COL3A1: variants seen among roughly 807,000 people sequenced by gnomAD.
The protein encoded by COL3A1 is collagen type III alpha 1 chain, also known as collagen alpha-1(III) chain.
A neutral mutation model predicts 200.9 loss-of-function variants in COL3A1; 46 were observed. The ratio of observed to expected loss-of-function variants is 0.23; its 90% CI spans 0.18 to 0.29. The LOEUF is 0.29. Ranked by LOEUF, COL3A1 falls within the 10% of genes least tolerant of loss-of-function variation. The probability of loss-of-function intolerance (pLI) is 1.00; values close to 1 mark genes in which losing one functional copy is unlikely to be tolerated. For missense variants in COL3A1, 1,367 were observed against 1,917.6 expected, an observed-to-expected ratio of 0.71 and a Z score of 5.36; for synonymous variants, 650 against 628.0, an observed-to-expected ratio of 1.03 and a Z score of -0.52.
chr2:189,006,258 A>G lies in COL3A1; in HGVS notation c.3092A>G (p.Lys1031Arg), dbSNP rs749725146. The change falls in exon 42 of 51, where the codon AAG becomes AGG. Residue 1031 changes from lysine to arginine, a missense_variant and splice_region_variant. By Grantham distance (26) the Lys-to-Arg change is conservative. Coordinates refer to ENST00000304636, the MANE Select transcript of COL3A1 (RefSeq NM_000090.4). ...LPGRDGSPGG[K>R]GDRGENGSPG... ...GGCCGAGATGGATCTCCTGGTGGCA[A>G]GGTATAATAAACACATGTGCAATTG... 1.2e-6 allele frequency: 2 copies of G among 1,614,082 alleles called. No individual in the cohort carries two copies. Among genetic ancestry groups the G allele is most frequent in the East Asian group, 2.2e-5 (1 of 44,902 alleles).
In COL3A1 at chr2:188,994,741, A is replaced by G; in HGVS notation, c.1365A>G (p.Pro455=). 1.2e-6 allele frequency: 2 copies of G among 1,613,342 alleles called. No individual in the cohort carries two copies. Among genetic ancestry groups the G allele is most frequent in the Non-Finnish European group, 1.7e-6 (2 of 1,179,892 alleles). ...PRGERGEAGI[P]GVPGAKGEDG... ...TTTTTCAGGGTGAGGCTGGTATTCC[A>G]GGTGTTCCAGGAGCTAAAGGCGAAG... The change falls in exon 20 of 51, where the codon CCA becomes CCG. Residue 455 remains proline, a synonymous_variant. Transcript: ENST00000304636. The surrounding 1 kb of genome is among the most constrained non-coding windows in gnomAD (Gnocchi z 4.5).
chr2:188,985,600 A>G, intron 3 of COL3A1, 65 bp from the exon 4 acceptor site: 1 of 1,023,276 alleles, frequency 9.8e-7, no homozygotes, highest in Middle Eastern at 3.1e-4. Context: ...AGAAACAACA[A>G]TCTGATAATG....
At position 188,993,406 on chromosome 2, in the gene COL3A1, G is replaced by T; in HGVS notation, c.1096G>T (p.Gly366Ter). Residue 366 changes from glycine to a stop codon, truncating the protein, a stop_gained, in exon 16 of 51, where the codon GGA (glycine) becomes TGA (stop). Coordinates refer to ENST00000304636, the MANE Select transcript of COL3A1 (RefSeq NM_000090.4). LOFTEE classifies it high-confidence loss of function. The stretch of plus-strand genomic sequence containing the variant: ...GTCTCCTGGTTCAAATGGTGCCCCT[G>T]GACAAAGAGGAGAACCTGGACCTCA... ...AGSPGSNGAP[G>*]QRGEPGPQGH... The T allele has an allele frequency of 6.4e-7, 1 of 1,567,884 alleles. No individual in the cohort carries two copies. Among genetic ancestry groups the T allele is most frequent in the Non-Finnish European group, 8.7e-7 (1 of 1,155,204 alleles).
chr2:188,993,767 A>G (rs1688237187), intron 16 of COL3A1, among the ~76,000 whole-genome samples: 1 of 152,188 alleles, frequency 6.6e-6, no homozygotes, highest in African/African-American at 2.4e-5. Context: ...CTAATCACCA[A>G]TCATAAAAAT....
At position 188,996,194 on chromosome 2, in the gene COL3A1, A is replaced by C. The variant is rs758686893; in HGVS notation, c.1662+16A>C. 3.7e-6 allele frequency: 6 copies of C among 1,612,000 alleles called. No individual in the cohort carries two copies. The highest frequency in any genetic ancestry group is 1.3e-5 in the African/African-American group (1 of 74,694). On this transcript the variant is annotated intron_variant, in intron 23 of 50. Coordinates refer to ENST00000304636, the MANE Select transcript of COL3A1 (RefSeq NM_000090.4). ...AGGGCCTCCCGTATGTACATTTTTA[A>C]AATCTCATTTTAAAAGGCCAGTTAA...
Position 189,010,793 on chromosome 2 carries a change from TAAAGA to T in COL3A1, c.4159_4163del (p.Lys1387GlyfsTer9). On this transcript the variant is annotated frameshift_variant, in exon 50 of 51. Coordinates refer to ENST00000304636, the MANE Select transcript of COL3A1 (RefSeq NM_000090.4). LOFTEE classifies it high-confidence loss of function. ...TACATGGATCAGGCCAGTGGAAATGTAAAGAAGGCCCTGAAGCTGATGGGGTCAAA... is the reference window on the plus strand; with the variant it reads ...TACATGGATCAGGCCAGTGGAAATGTAGGCCCTGAAGCTGATGGGGTCAAA... The T allele has an allele frequency of 6.2e-7, 1 of 1,614,118 alleles. No individual in the cohort carries two copies.
intron 7 of COL3A1, 31 bp downstream of exon 7, chr2:188,988,674 G>A: frequency 1.3e-6 from 2 of 1,493,618 alleles, no homozygotes; most frequent in Non-Finnish European, 1.9e-6. Context: ...TATTTAGTAA[G>A]TCGATAATTC....
intron 40 of COL3A1, 113 bp downstream of exon 40, chr2:189,004,477 G>A: frequency 2.0e-6 from 2 of 976,842 alleles, no homozygotes; most frequent in South Asian, 3.1e-5. Flanking sequence ...TTAGCCAGGA[G>A]ATAATTTTTT....
chr2:189,007,768 T>A (rs988873347), intron 45 of COL3A1, 117 bp from the exon 46 acceptor site: 2 of 1,374,992 alleles, frequency 1.5e-6, no homozygotes, highest in Admixed American at 1.7e-5. Flanking sequence ...ATGGGAAGAT[T>A]AAAGAAAGAA....
In COL3A1 at chr2:189,004,300, G is replaced by A; in HGVS notation, c.2867G>A (p.Arg956Gln). ...PLGIAGITGA[R>Q]GLAGPPGMPG... ...GGGATTGCTGGGATCACTGGAGCACGGGGTCTTGCAGGACCACCAGGCATG... is the reference window on the plus strand; with the variant it reads ...GGGATTGCTGGGATCACTGGAGCACAGGGTCTTGCAGGACCACCAGGCATG... The change falls in exon 40 of 51, where the codon CGG (arginine) becomes CAG (glutamine). Residue 956 changes from arginine (R) to glutamine (Q), a missense_variant. This residue lies in a region of COL3A1 where 846 missense variants were observed against 1,147.9 expected (regional missense o/e 0.74). Transcript: ENST00000304636. The A allele has an allele frequency of 1.2e-6, 2 of 1,607,982 alleles. No homozygotes were observed. Among genetic ancestry groups the A allele is most frequent in the Non-Finnish European group, 1.7e-6 (2 of 1,177,564 alleles).
chr2:188,984,101 T>C (rs1688013590), intron 1 of COL3A1, among the ~76,000 whole-genome samples: 2 of 152,066 alleles, frequency 1.3e-5, no homozygotes. Flanking sequence ...TTTAAAAACA[T>C]CTTTTTCTTT....
intron 6 of COL3A1, 73 bp downstream of exon 6, chr2:188,988,207 T>G: frequency 7.5e-7 from 1 of 1,331,210 alleles, no homozygotes; most frequent in South Asian, 1.2e-5. Flanking sequence ...TCTGCTATAA[T>G]TCAGCCATTC....
At position 189,011,525 on chromosome 2, in the gene COL3A1, T is replaced by C. The variant is rs1380115974; in HGVS notation, c.4255-103T>C. 9.0e-6 allele frequency: 12 copies of C among 1,338,352 alleles called. No homozygotes were observed. The East Asian group carries it at 2.8e-4, about 31-fold the overall frequency. The allele number at this position is 1,338,352 out of a possible 1,614,324, so 82.9% of individuals were successfully genotyped here. A position where few individuals can be genotyped will look rare whatever the true frequency, so the allele number is the denominator to read the frequency against. The stretch of plus-strand genomic sequence containing the variant: ...ATACATGAATAATAACATGGCACGA[T>C]GAATGCTTCTTTAGAGTAAAAAGGT... On this transcript the variant is annotated intron_variant, in intron 50 of 50. Coordinates refer to ENST00000304636, the MANE Select transcript of COL3A1 (RefSeq NM_000090.4).
Position 189,007,096 on chromosome 2 carries a change from AATATATATATATATAT to A in COL3A1, c.3255+135_3255+150del, listed in dbSNP as rs36195651. The A allele has an allele frequency of 1.2e-3, 287 of 229,886 alleles. 4 individuals are homozygous for A. Among genetic ancestry groups the A allele is most frequent in the African/African-American group, 4.2e-3 (116 of 27,826 alleles). The allele number at this position is 229,886 out of a possible 1,614,324, so 14.2% of individuals were successfully genotyped here. On this transcript the variant is annotated intron_variant, in intron 44 of 50. Transcript: ENST00000304636. ...CCAGCGTGTTCAGGAAAAAAGAATG[AATATATATATATATAT>A]ATATATATATATATATATATATATA...
intron 1 of COL3A1, among the ~76,000 whole-genome samples, chr2:188,981,570 AT>A (rs1014464170): frequency 6.6e-6 from 1 of 151,446 alleles, no homozygotes; most frequent in African/African-American, 2.4e-5. Flanking sequence ...AAATTAACTT[AT>A]TTTTTTAACC....
Position 189,007,372 on chromosome 2 carries a change from G to C in COL3A1, c.3256-128G>C, listed in dbSNP as rs1273862623. The C allele has an allele frequency of 4.3e-6, 3 of 698,696 alleles. No homozygotes were observed. The African/African-American group carries it at 5.4e-5, about 13-fold the overall frequency. 43.3% of individuals were successfully genotyped at this position (698,696 alleles called of 1,614,324 possible). A position where few individuals can be genotyped will look rare whatever the true frequency, so the allele number is the denominator to read the frequency against. On this transcript the variant is annotated intron_variant, in intron 44 of 50. Transcript: ENST00000304636. ...AAACAAATCTCATTTCCTATCTGAA[G>C]TGTCTGTTGATGGGGGATTTTTTAG...
At position 189,012,432 on chromosome 2, in the gene COL3A1, G is replaced by A. The variant is rs547883541; in HGVS notation, c.*658G>A. Reference sequence around the variant, plus strand: ...TGCTGGTCAAGATTACTAATATTTGGGAAGGCTTTAAAGACGCATGTTATG... The same window carrying A: ...TGCTGGTCAAGATTACTAATATTTGAGAAGGCTTTAAAGACGCATGTTATG... On this transcript the variant is annotated 3_prime_UTR_variant, in exon 51 of 51. Coordinates refer to ENST00000304636, the MANE Select transcript of COL3A1 (RefSeq NM_000090.4). 8.5e-5 allele frequency: 13 copies of A among 152,668 alleles called. No homozygotes were observed. Among genetic ancestry groups the A allele is most frequent in the African/African-American group, 3.1e-4 (13 of 41,514 alleles). 9.5% of individuals were successfully genotyped at this position (152,668 alleles called of 1,614,324 possible). A position where few individuals can be genotyped will look rare whatever the true frequency, so the allele number is the denominator to read the frequency against.
chr2:189,003,162 A>G, intron 36 of COL3A1, 100 bp downstream of exon 36: 2 of 991,520 alleles, frequency 2.0e-6, no homozygotes, highest in Non-Finnish European at 3.1e-6. Context: ...CCCCCTCTGT[A>G]AGTCCTAAGT....
At chr2:189,008,286 C>T (rs1182848699) in intron 47 of COL3A1, 144 bp downstream of exon 47, 8 of 746,702 alleles carry the variant, frequency 1.1e-5, no homozygotes, top group Non-Finnish European at 1.9e-5. Flanking sequence ...TTAAGACATT[C>T]TCCATCACAT....
Sources: allele counts gnomAD v4.1 joint callset (sites outside exome capture counted in the v4.1 genomes callset), GRCh38; gene constraint gnomAD v4.1.1; regional missense constraint gnomAD v4.1.1; non-coding constraint Gnocchi (gnomAD v3.1); transcripts MANE v1.5; gene names NCBI Gene and HGNC (gene_info 2026-07-23, HGNC 2026-07-21).